The following PRPSAP2 variants were observed in gnomAD, a reference collection of about 807,000 sequenced individuals.
The protein encoded by PRPSAP2 is phosphoribosyl pyrophosphate synthase-associated protein 2.
In PRPSAP2, 24 loss-of-function variants were observed where a neutral mutation model predicts 40.6. The ratio of observed to expected loss-of-function variants is 0.59; its 90% CI spans 0.43 to 0.83. The LOEUF is 0.83. Ranked by LOEUF, PRPSAP2 falls within the 40% of genes least tolerant of loss-of-function variation. The pLI is 0.00. For missense variants in PRPSAP2, 292 were observed against 465.6 expected, an observed-to-expected ratio of 0.63 and a Z score of 3.43; for synonymous variants, 149 against 164.7, an observed-to-expected ratio of 0.90 and a Z score of 0.73.
chr17:18,868,816 C>T (rs1597531012), intron 4 of PRPSAP2, among the ~76,000 whole-genome samples: 1 of 152,018 alleles, frequency 6.6e-6, no homozygotes, highest in East Asian at 1.9e-4. Flanking sequence ...TTCAGCCCCC[C>T]AAAGTGCTAG....
intron 4 of PRPSAP2, 105 bp from the exon 5 acceptor site, chr17:18,872,478 G>C: frequency 1.2e-6 from 1 of 822,368 alleles, no homozygotes; most frequent in Non-Finnish European, 2.0e-6. Flanking sequence ...AACAGTTTGA[G>C]TTGCCATATT....
intron 9 of PRPSAP2, among the ~76,000 whole-genome samples, chr17:18,914,320 C>T (rs1468282067): frequency 9.4e-5 from 11 of 116,628 alleles, no homozygotes; most frequent in Admixed American, 6.2e-4. Flanking sequence ...TACAGTGGTG[C>T]GATCAGATCT....
chr17:18,906,872 C>G (rs28429555), intron 8 of PRPSAP2, among the ~76,000 whole-genome samples: 14,783 of 152,128 alleles, frequency 0.097, 898 homozygotes, highest in African/African-American at 0.17. Context: ...GAAATAATTG[C>G]TAACACTGTA....
intron 8 of PRPSAP2, among the ~76,000 whole-genome samples, chr17:18,893,514 G>T (rs1157816381): frequency 6.6e-6 from 1 of 151,990 alleles, no homozygotes; most frequent in African/African-American, 2.4e-5. Flanking sequence ...CAGCACTTCG[G>T]GAGGCTGAGG....
chr17:18,927,576 A>G (rs1050030429), intron 10 of PRPSAP2, among the ~76,000 whole-genome samples: 2 of 152,208 alleles, frequency 1.3e-5, no homozygotes, highest in Non-Finnish European at 2.9e-5. Context: ...GGTTGGGGCT[A>G]TTATACATAA....
intron 7 of PRPSAP2, among the ~76,000 whole-genome samples, chr17:18,883,503 A>G (rs1234393483): frequency 6.6e-6 from 1 of 150,742 alleles, no homozygotes; most frequent in Non-Finnish European, 1.5e-5. Context: ...CCCGGGTTCA[A>G]GCAATTCTCG....
chr17:18,903,031 C>T (rs974252946), intron 8 of PRPSAP2, among the ~76,000 whole-genome samples: 3 of 152,174 alleles, frequency 2.0e-5, no homozygotes, highest in Non-Finnish European at 2.9e-5. Context: ...CCCTCATGTG[C>T]TCTTTGACTG....
At chr17:18,872,109 A>G (rs1242812945) in intron 4 of PRPSAP2, among the ~76,000 whole-genome samples, 1 of 152,094 alleles carries the variant, frequency 6.6e-6, no homozygotes, top group Non-Finnish European at 1.5e-5. Flanking sequence ...TCTCTACTAA[A>G]AAAATACAAA....
chr17:18,868,499 GAA>G (rs970384943), intron 4 of PRPSAP2, among the ~76,000 whole-genome samples: 2 of 150,130 alleles, frequency 1.3e-5, no homozygotes, highest in African/African-American at 4.9e-5. Flanking sequence ...AAAAAAAAAA[GAA>G]ATTATTTTAG....
chr17:18,871,157 T>G (rs2037833411), intron 4 of PRPSAP2, among the ~76,000 whole-genome samples: 1 of 152,074 alleles, frequency 6.6e-6, no homozygotes, highest in Non-Finnish European at 1.5e-5. Flanking sequence ...GTAGCTGGGA[T>G]TATAGGTGTG....
intron 4 of PRPSAP2, among the ~76,000 whole-genome samples, chr17:18,868,889 T>G (rs2037632741): frequency 6.6e-6 from 1 of 152,088 alleles, no homozygotes; most frequent in African/African-American, 2.4e-5. Context: ...ATTTACATAT[T>G]ATAAAGCCTA....
intron 8 of PRPSAP2, among the ~76,000 whole-genome samples, chr17:18,902,742 G>T (rs1453377308): frequency 6.6e-6 from 1 of 151,836 alleles, no homozygotes; most frequent in Admixed American, 6.6e-5. Flanking sequence ...GGTGGCGCAC[G>T]CCTGTAATCC....
At chr17:18,901,751 C>T (rs1016914529) in intron 8 of PRPSAP2, among the ~76,000 whole-genome samples, 25 of 151,680 alleles carry the variant, frequency 1.6e-4, no homozygotes, top group African/African-American at 6.1e-4. Context: ...ATTAATAATC[C>T]TTCCTAGTGG....
intron 8 of PRPSAP2, among the ~76,000 whole-genome samples, chr17:18,899,489 TC>T (rs1258795521): frequency 6.6e-6 from 1 of 150,570 alleles, no homozygotes; most frequent in Non-Finnish European, 1.5e-5. Context: ...CACTGTAACT[TC>T]CATTCTGCTG....
chr17:18,882,475 C>T (rs1385719913), intron 6 of PRPSAP2, 93 bp from the exon 7 acceptor site: 1 of 783,760 alleles, frequency 1.3e-6, no homozygotes, highest in Non-Finnish European at 2.2e-6. Context: ...CATGCCACTG[C>T]ACTCCAGCCT....
chr17:18,914,055 T>G (rs1900757008), intron 9 of PRPSAP2, among the ~76,000 whole-genome samples: 2 of 151,014 alleles, frequency 1.3e-5, no homozygotes, highest in African/African-American at 4.9e-5. Context: ...GTGCCTTAAA[T>G]CCCAACTACT....
intron 4 of PRPSAP2, among the ~76,000 whole-genome samples, chr17:18,872,241 C>G (rs1404007294): frequency 6.6e-6 from 1 of 150,662 alleles, no homozygotes; most frequent in Non-Finnish European, 1.5e-5. Context: ...CCACTGCATT[C>G]CAGCGTGGGC....
At chr17:18,878,045 T>C (rs1164495458) in intron 6 of PRPSAP2, among the ~76,000 whole-genome samples, 175 bp downstream of exon 6, 1 of 152,148 alleles carries the variant, frequency 6.6e-6, no homozygotes, top group Non-Finnish European at 1.5e-5. Context: ...GCCTCCCAAG[T>C]AGCTAGGACT....
At chr17:18,869,613 G>A (rs979801287) in intron 4 of PRPSAP2, among the ~76,000 whole-genome samples, 10 of 148,092 alleles carry the variant, frequency 6.8e-5, no homozygotes, top group East Asian at 2.0e-4. Flanking sequence ...AGTGATTCTC[G>A]TGCCTCAGCC....
Sources: allele counts gnomAD v4.1 joint callset (sites outside exome capture counted in the v4.1 genomes callset), GRCh38; gene constraint gnomAD v4.1.1; transcripts MANE v1.5; gene names NCBI Gene and HGNC (gene_info 2026-07-23, HGNC 2026-07-21).